PTPRT: variants seen among roughly 807,000 people sequenced by gnomAD.
PTPRT encodes the protein protein tyrosine phosphatase receptor type T, also known as receptor-type tyrosine-protein phosphatase T.
PTPRT carries 56 observed loss-of-function variants against 176.8 expected under a neutral mutation model. The ratio of observed to expected loss-of-function variants is 0.32; its 90% CI spans 0.26 to 0.40. PTPRT has a LOEUF of 0.40. Among genes scored for constraint, PTPRT ranks in the 10% least tolerant of loss-of-function variants. The pLI, the probability that PTPRT is intolerant of heterozygous loss-of-function variation, is 1.00. For missense variants in PTPRT, 1,540 were observed against 1,908.2 expected (o/e 0.81, Z 3.60); for synonymous variants, 783 against 739.0 (o/e 1.06, Z -0.96).
intron 7 of PTPRT, among the ~76,000 whole-genome samples, chr20:42,579,194 T>C (rs1475339680): frequency 6.6e-6 from 1 of 151,850 alleles, no homozygotes; most frequent in Non-Finnish European, 1.5e-5. Context: ...TTGCTGAGAA[T>C]GATGGTTTCC....
At chr20:42,341,307 G>A (rs985541072) in intron 11 of PTPRT, among the ~76,000 whole-genome samples, 1 of 151,956 alleles carries the variant, frequency 6.6e-6, no homozygotes, top group African/African-American at 2.4e-5. Context: ...CCATTTTCCA[G>A]CACTTTTGTT....
intron 7 of PTPRT, among the ~76,000 whole-genome samples, chr20:42,569,643 T>C (rs757322204): frequency 1.3e-4 from 20 of 152,098 alleles, no homozygotes; most frequent in Non-Finnish European, 2.1e-4. Context: ...GCAGAACTCC[T>C]AGATGCCAAA....
Position 42,365,645 on chromosome 20 carries a change from G to A in PTPRT, c.1561-13360C>T, listed in dbSNP as rs569503854. On this transcript the variant is annotated intron_variant, in intron 9 of 30. Coordinates refer to ENST00000373187, the MANE Select transcript of PTPRT (RefSeq NM_007050.6). ...ACACATGAAATACACTCACACTGACGATAGCTGATGAGACAAAAAAAAAAT... is the reference window on the plus strand; with the variant it reads ...ACACATGAAATACACTCACACTGACAATAGCTGATGAGACAAAAAAAAAAT... Among the ~76,000 whole-genome samples the A allele has an allele frequency of 5.9e-5, 9 of 151,952 alleles. No individual in the cohort carries two copies. The South Asian group carries it at 6.2e-4, about 11-fold the overall frequency.
At chr20:42,319,262 C>CAT (rs1394353501) in intron 11 of PTPRT, among the ~76,000 whole-genome samples, 1 of 142,636 alleles carries the variant, frequency 7.0e-6, no homozygotes, top group Non-Finnish European at 1.5e-5. Context: ...AGTATCCTTC[C>CAT]TTTTTTTTTT....
At chr20:43,031,843 G>A (rs1986150420) in intron 1 of PTPRT, among the ~76,000 whole-genome samples, 1 of 152,158 alleles carries the variant, frequency 6.6e-6, no homozygotes, top group Admixed American at 6.5e-5. Context: ...AACACCTGGG[G>A]TCTGAGTCTG....
chr20:42,528,663 T>C (rs898141993), intron 7 of PTPRT, among the ~76,000 whole-genome samples: 2 of 152,154 alleles, frequency 1.3e-5, no homozygotes, highest in African/African-American at 4.8e-5. Flanking sequence ...ATGCTATAAG[T>C]AGTCCTTACG....
intron 6 of PTPRT, among the ~76,000 whole-genome samples, chr20:42,735,830 T>C (rs374412179): frequency 9.2e-5 from 14 of 152,038 alleles, no homozygotes; most frequent in African/African-American, 3.4e-4. Context: ...CCTGACTCTG[T>C]GCTAACCCCA....
intron 15 of PTPRT, among the ~76,000 whole-genome samples, chr20:42,205,723 C>T (rs1049892846): frequency 6.6e-6 from 1 of 152,110 alleles, no homozygotes; most frequent in South Asian, 2.1e-4. Flanking sequence ...TAGGGCTCCT[C>T]CTCTGGGCCA....
At chr20:42,781,157 A>G (rs1468690537) in intron 3 of PTPRT, among the ~76,000 whole-genome samples, 1 of 147,182 alleles carries the variant, frequency 6.8e-6, no homozygotes, top group Non-Finnish European at 1.5e-5. Flanking sequence ...TGCTTTTCTT[A>G]TCTAATCCTT....
In PTPRT at chr20:43,114,861, G is replaced by A. The variant is rs141108608; in HGVS notation, c.88+74785C>T. On this transcript the variant is annotated intron_variant, in intron 1 of 30. Transcript: ENST00000373187. The stretch of plus-strand genomic sequence containing the variant: ...GAAAAAATTAAATTTAAATAAGTAA[G>A]TTGAATATTAATGGAGTGGGAAGCC... Among the ~76,000 whole-genome samples the A allele has an allele frequency of 3.2e-3, 486 of 152,156 alleles. 2 individuals are homozygous for A. Among genetic ancestry groups the A allele is most frequent in the African/African-American group, 0.01 (424 of 41,512 alleles).
At chr20:42,229,771 G>C (rs2056096570) in intron 15 of PTPRT, among the ~76,000 whole-genome samples, 1 of 152,178 alleles carries the variant, frequency 6.6e-6, no homozygotes, top group African/African-American at 2.4e-5. Flanking sequence ...AGGTCACACA[G>C]ATGCAAAAAT....
At chr20:42,223,319 C>T (rs960699550) in intron 15 of PTPRT, among the ~76,000 whole-genome samples, 1 of 152,302 alleles carries the variant, frequency 6.6e-6, no homozygotes, top group African/African-American at 2.4e-5. Context: ...CAACAGCCCA[C>T]ATTTGGTGTT....
chr20:42,787,327 T>G (rs1019818209), intron 3 of PTPRT, among the ~76,000 whole-genome samples: 1 of 152,182 alleles, frequency 6.6e-6, no homozygotes, highest in Non-Finnish European at 1.5e-5. Flanking sequence ...CAAACTGAGA[T>G]GTAGGGCCAC....
chr20:42,521,568 A>G lies in PTPRT; in HGVS notation c.1154-49006T>C, dbSNP rs188398022. Among the ~76,000 whole-genome samples the G allele has an allele frequency of 2.2e-3, 337 of 152,298 alleles. 1 individual carries two copies. The highest frequency in any genetic ancestry group is 7.3e-3 in the African/African-American group (305 of 41,580). ...TCAATACTGTACTTTTTTCCATAGA[A>G]TATTTATTTAATGTTCACCAGTAGC... On this transcript the variant is annotated intron_variant, in intron 7 of 30. Coordinates refer to ENST00000373187, the MANE Select transcript of PTPRT (RefSeq NM_007050.6).
intron 1 of PTPRT, among the ~76,000 whole-genome samples, chr20:42,970,321 G>C (rs1380114340): frequency 6.6e-6 from 1 of 152,204 alleles, no homozygotes; most frequent in Admixed American, 6.5e-5. Context: ...GTAACTACCA[G>C]TCAAGGATTC....
chr20:42,727,430 C>T (rs2076397783), intron 6 of PTPRT, among the ~76,000 whole-genome samples: 1 of 152,118 alleles, frequency 6.6e-6, no homozygotes, highest in Admixed American at 6.5e-5. Flanking sequence ...TTACAGTGTG[C>T]CAGGTGTTCG....
intron 2 of PTPRT, among the ~76,000 whole-genome samples, chr20:42,820,877 C>G (rs1049629073): frequency 6.6e-6 from 1 of 152,092 alleles, no homozygotes; most frequent in Middle Eastern, 3.2e-3. Context: ...AAGTCAAAAC[C>G]CTGAATGGAC....
Position 43,189,695 on chromosome 20 carries a change from CA to C in PTPRT, c.38del (p.Leu13ArgfsTer35). On this transcript the variant is annotated frameshift_variant, in exon 1 of 31. Transcript: ENST00000373187. LOFTEE classifies it high-confidence loss of function. The surrounding 1 kb of genome is among the most constrained non-coding windows in gnomAD (Gnocchi z 5.0). ...SLAALALSLL[L>X]RLQLPPLPGA... ...CGGGCAGTGGCGGCAGCTGCAGCCT[CA>C]GGAGCAGGCTGAGGGCGAGCGCGGC... 7.6e-7 allele frequency: 1 copy of C among 1,317,820 alleles called. No homozygotes were observed. Among genetic ancestry groups the C allele is most frequent in the Non-Finnish European group, 9.7e-7 (1 of 1,033,818 alleles). 81.6% of individuals were successfully genotyped at this position (1,317,820 alleles called of 1,614,324 possible).
At chr20:42,154,598 GC>G (rs1468426507) in intron 17 of PTPRT, among the ~76,000 whole-genome samples, 1 of 152,224 alleles carries the variant, frequency 6.6e-6, no homozygotes, top group Non-Finnish European at 1.5e-5. Flanking sequence ...CCTTCTGGTT[GC>G]CCTACTGGGC....
Sources: gnomAD v4.1 joint callset for allele counts (sites outside exome capture counted in the v4.1 genomes callset) on GRCh38, gnomAD v4.1.1 for gene constraint, Gnocchi (gnomAD v3.1) non-coding constraint, MANE v1.5 for transcripts, NCBI Gene and HGNC (gene_info 2026-07-23, HGNC 2026-07-21) for gene names.